Variants in CPNE8 observed in about 807,000 individuals in gnomAD.
CPNE8 encodes the protein copine 8.
In CPNE8, 45 loss-of-function variants were observed where a neutral mutation model predicts 81.5. The ratio of observed to expected loss-of-function variants is 0.55; its 90% CI spans 0.44 to 0.71. The LOEUF (loss-of-function observed/expected upper bound fraction) is 0.71. CPNE8 is among the 30% of genes least tolerant of loss of function. CPNE8 has a pLI of 0.00. For synonymous variants in CPNE8, 252 were observed against 226.3 expected (o/e 1.11, Z -1.02); for missense variants, 594 against 672.1 (o/e 0.88, Z 1.28).
intron 16 of CPNE8, among the ~76,000 whole-genome samples, chr12:38,683,343 AATG>A (rs1251974999): frequency 6.6e-6 from 1 of 152,176 alleles, no homozygotes; most frequent in African/African-American, 2.4e-5. Context: ...AATAATTTTT[AATG>A]ATAATATATT....
At chr12:38,856,366 C>A (rs1943734154) in intron 3 of CPNE8, among the ~76,000 whole-genome samples, 1 of 152,074 alleles carries the variant, frequency 6.6e-6, no homozygotes, top group Non-Finnish European at 1.5e-5. Flanking sequence ...ATGAAGCCAG[C>A]ATTATCATCA....
intron 6 of CPNE8, among the ~76,000 whole-genome samples, chr12:38,803,605 G>A (rs1174096488): frequency 8.4e-5 from 12 of 142,640 alleles, no homozygotes; most frequent in Non-Finnish European, 3.1e-5. Flanking sequence ...CACAAGACAG[G>A]GATGCCCTCT....
chr12:38,842,083 T>C (rs534449820), intron 4 of CPNE8, among the ~76,000 whole-genome samples: 1 of 150,300 alleles, frequency 6.7e-6, no homozygotes, highest in South Asian at 2.1e-4. Flanking sequence ...GAATTACAAA[T>C]TACTCTCCTT....
chr12:38,718,310 T>G (rs991983123), intron 13 of CPNE8, among the ~76,000 whole-genome samples: 26 of 152,134 alleles, frequency 1.7e-4, no homozygotes. Flanking sequence ...GGAATATAGC[T>G]CCAAACTACC....
At chr12:38,654,861 T>A (rs748479365) in intron 19 of CPNE8, among the ~76,000 whole-genome samples, 24 of 152,282 alleles carry the variant, frequency 1.6e-4, no homozygotes, top group Non-Finnish European at 2.1e-4. Flanking sequence ...AATATAATAG[T>A]GTACATTGTT....
chr12:38,902,376 GAAAGAAA>G lies in CPNE8; in HGVS notation c.98+3054_98+3060del, dbSNP rs1565670195. Among the ~76,000 whole-genome samples the G allele has an allele frequency of 9.3e-4, 75 of 80,286 alleles. 4 individuals carry two copies. Among genetic ancestry groups the G allele is most frequent in the Admixed American group, 2.3e-3 (18 of 7,772 alleles). The allele number at this position is 80,286 out of a possible 152,430, so 52.7% of individuals were successfully genotyped here. ...AGAAAGAAAGAAAGAAAGAAAGAAA[GAAAGAAA>G]AGAAAGAAAGAGAAAGAAAGAAAGA... is the stretch of plus-strand genomic sequence containing the variant. On this transcript the variant is annotated intron_variant, in intron 1 of 19. Coordinates refer to ENST00000331366, the MANE Select transcript of CPNE8 (RefSeq NM_153634.3).
At chr12:38,797,696 G>A (rs767565296) in intron 6 of CPNE8, among the ~76,000 whole-genome samples, 75 of 152,304 alleles carry the variant, frequency 4.9e-4, no homozygotes, top group Middle Eastern at 3.4e-3. Flanking sequence ...AAAGCTGGAC[G>A]GAGAATGACT....
chr12:38,871,951 C>G (rs1411595381), intron 3 of CPNE8, among the ~76,000 whole-genome samples: 2 of 152,144 alleles, frequency 1.3e-5, no homozygotes, highest in African/African-American at 4.8e-5. Context: ...GCCTGACCAA[C>G]ATGGAGAAAC....
At chr12:38,852,828 T>A (rs1943667349) in intron 3 of CPNE8, among the ~76,000 whole-genome samples, 1 of 151,988 alleles carries the variant, frequency 6.6e-6, no homozygotes, top group Non-Finnish European at 1.5e-5. Flanking sequence ...ACCAATTTGA[T>A]TAAAACATAA....
In CPNE8 at chr12:38,722,044, G is replaced by A. The variant is rs142757505; in HGVS notation, c.914+1728C>T. Among the ~76,000 whole-genome samples the A allele has an allele frequency of 5.6e-4, 85 of 152,252 alleles. 1 individual carries two copies. In the Middle Eastern group the frequency reaches 0.01, roughly 18 times the overall value. ...AAAAGTGCAGCCTGCTAGGCCAAGC[G>A]GATGGAACGAGCCCAGCAGGCCCTA... On this transcript the variant is annotated intron_variant, in intron 13 of 19. Coordinates refer to ENST00000331366, the MANE Select transcript of CPNE8 (RefSeq NM_153634.3).
intron 3 of CPNE8, among the ~76,000 whole-genome samples, chr12:38,864,092 G>A (rs1317441507): frequency 1.3e-5 from 2 of 151,206 alleles, no homozygotes; most frequent in Non-Finnish European, 2.9e-5. Context: ...AATGCCTCCT[G>A]TCACCGCTTT....
At chr12:38,701,583 T>A (rs1171450373) in intron 14 of CPNE8, among the ~76,000 whole-genome samples, 1 of 152,182 alleles carries the variant, frequency 6.6e-6, no homozygotes, top group Non-Finnish European at 1.5e-5. Context: ...AACCTCTACC[T>A]CTTGGGTTCA....
intron 7 of CPNE8, among the ~76,000 whole-genome samples, chr12:38,773,358 G>A (rs1452884115): frequency 2.0e-5 from 3 of 152,036 alleles, no homozygotes; most frequent in Non-Finnish European, 4.4e-5. Flanking sequence ...AGGGTAGGGG[G>A]AACCATTGTA....
intron 1 of CPNE8, among the ~76,000 whole-genome samples, chr12:38,888,245 G>T (rs114429705): frequency 6.6e-6 from 1 of 152,098 alleles, no homozygotes; most frequent in African/African-American, 2.4e-5. Context: ...TTCTATAATG[G>T]AGGAAAAGTC....
intron 1 of CPNE8, among the ~76,000 whole-genome samples, chr12:38,882,676 C>T (rs1442223165): frequency 2.0e-5 from 3 of 152,084 alleles, no homozygotes; most frequent in Admixed American, 6.5e-5. Flanking sequence ...GCAAATGCCT[C>T]GCTTGCAAAA....
chr12:38,823,645 ATCCTTTTATATGGAACCAC>A (rs1555165210), intron 6 of CPNE8, among the ~76,000 whole-genome samples: 1 of 152,138 alleles, frequency 6.6e-6, no homozygotes, highest in Non-Finnish European at 1.5e-5. Context: ...TTTTTCCCTG[ATCCTTTTATATGGAACCAC>A]TCATGCCTGG....
intron 6 of CPNE8, among the ~76,000 whole-genome samples, chr12:38,783,792 G>T (rs1267815870): frequency 6.6e-6 from 1 of 152,200 alleles, no homozygotes; most frequent in Non-Finnish European, 1.5e-5. Context: ...CTACTAGTCT[G>T]CAAGAACCAC....
At chr12:38,881,967 A>G (rs1217319471) in intron 1 of CPNE8, among the ~76,000 whole-genome samples, 1 of 152,234 alleles carries the variant, frequency 6.6e-6, no homozygotes, top group Non-Finnish European at 1.5e-5. Context: ...TCTCAGGTAC[A>G]AAACTAAATT....
intron 6 of CPNE8, among the ~76,000 whole-genome samples, chr12:38,809,212 T>A (rs910627504): frequency 3.9e-5 from 6 of 152,212 alleles, no homozygotes; most frequent in Non-Finnish European, 7.3e-5. Flanking sequence ...CTGCTTAGGA[T>A]CTCACAATGC....
Sources: allele counts gnomAD v4.1 joint callset (sites outside exome capture counted in the v4.1 genomes callset), GRCh38; gene constraint gnomAD v4.1.1; transcripts MANE v1.5; gene names NCBI Gene and HGNC (gene_info 2026-07-23, HGNC 2026-07-21).